The following SULT1E1 variants were observed in gnomAD, a reference collection of about 807,000 sequenced individuals.
The protein encoded by SULT1E1 is sulfotransferase family 1E member 1, also known as sulfotransferase 1E1.
In SULT1E1, 36 loss-of-function variants were observed where a neutral mutation model predicts 33.6. The ratio of observed to expected loss-of-function variants is 1.07; its 90% CI spans 0.82 to 1.41. The LOEUF (loss-of-function observed/expected upper bound fraction) is 1.41, where lower values mean the gene tolerates loss of function less well. Among genes scored for constraint, SULT1E1 ranks in the 40% most tolerant of loss-of-function variants. The pLI is 0.00. For synonymous variants in SULT1E1, 121 were observed against 111.7 expected, an observed-to-expected ratio of 1.08 and a Z score of -0.53; for missense variants, 371 against 345.7, an observed-to-expected ratio of 1.07 and a Z score of -0.58.
intron 5 of SULT1E1, among the ~76,000 whole-genome samples, chr4:69,848,175 T>C (rs1721020526): frequency 6.6e-6 from 1 of 151,310 alleles, no homozygotes; most frequent in Non-Finnish European, 1.5e-5. Flanking sequence ...GGTCTGATAG[T>C]CATAAGAATA....
At chr4:69,837,217 A>G (rs1235291186), downstream of SULT1E1, among the ~76,000 whole-genome samples, 3 of 152,164 alleles carry the variant, frequency 2.0e-5, no homozygotes, top group Admixed American at 6.5e-5. Context: ...ATTTGTGTAC[A>G]TTGTATAGAT....
the SULT1E1 span, among the ~76,000 whole-genome samples, chr4:69,834,775 T>A: frequency 6.6e-6 from 1 of 152,148 alleles, no homozygotes; most frequent in East Asian, 1.9e-4. Flanking sequence ...TCTAATCCAG[T>A]GGTAATATTA....
rs561354509 is a variant in SULT1E1, at chr4:69,841,814, C to T, written c.*180G>A. ...CATGATTGTGCCACTGTCCTCCAGC[C>T]TAGGCAACAGAGTGAGACTCTGTCT... is the stretch of plus-strand genomic sequence containing the variant. On this transcript the variant is annotated 3_prime_UTR_variant, in exon 8 of 8. Coordinates refer to ENST00000226444, the MANE Select transcript of SULT1E1 (RefSeq NM_005420.3). 50 of 429,528 alleles carry T rather than the reference C, an allele frequency of 1.2e-4. No individual in the cohort carries two copies. The highest frequency in any genetic ancestry group is 1.0e-3 in the African/African-American group (46 of 44,830). The allele number at this position is 429,528 out of a possible 1,614,324, so 26.6% of individuals were successfully genotyped here.
the SULT1E1 span, among the ~76,000 whole-genome samples, chr4:69,823,976 A>C: frequency 3.9e-5 from 6 of 152,058 alleles, no homozygotes; most frequent in Non-Finnish European, 5.9e-5. Context: ...CCACATCCAC[A>C]CGGCAATGAA....
intron 6 of SULT1E1, among the ~76,000 whole-genome samples, chr4:69,845,301 T>C (rs1031135266): frequency 2.6e-5 from 4 of 151,890 alleles, no homozygotes; most frequent in African/African-American, 9.7e-5. Context: ...TTGGAATGTT[T>C]GTAACATGAA....
downstream of SULT1E1, among the ~76,000 whole-genome samples, chr4:69,839,621 A>C (rs2110063499): frequency 6.6e-6 from 1 of 152,316 alleles, no homozygotes; most frequent in Admixed American, 6.5e-5. Context: ...GGAAATATTA[A>C]GCAATGAGGT....
chr4:69,823,261 T>C, the SULT1E1 span, among the ~76,000 whole-genome samples: 6 of 152,202 alleles, frequency 3.9e-5, no homozygotes, highest in South Asian at 2.1e-4. Context: ...AGGTTTAGTA[T>C]AGCCCTCACC....
At chr4:69,835,915 G>T in the SULT1E1 span, among the ~76,000 whole-genome samples, 2 of 152,096 alleles carry the variant, frequency 1.3e-5, no homozygotes, top group African/African-American at 4.8e-5. Context: ...GTGTGCTGAG[G>T]TTACAGACAT....
At chr4:69,826,523 G>A in the SULT1E1 span, among the ~76,000 whole-genome samples, 1 of 152,196 alleles carries the variant, frequency 6.6e-6, no homozygotes, top group South Asian at 2.1e-4. Context: ...TTCTTGGGCA[G>A]GGGAGAAACA....
intron 4 of SULT1E1, among the ~76,000 whole-genome samples, chr4:69,851,174 A>T (rs2110070441): frequency 6.6e-6 from 1 of 152,326 alleles, no homozygotes; most frequent in South Asian, 2.1e-4. Flanking sequence ...AACTACCATC[A>T]GAGTGAAAAG....
the SULT1E1 span, among the ~76,000 whole-genome samples, chr4:69,825,964 T>C: frequency 2.0e-5 from 3 of 152,170 alleles, no homozygotes; most frequent in Non-Finnish European, 4.4e-5. Flanking sequence ...TATTCCCTTC[T>C]TTAGGCACCC....
At chr4:69,851,167 T>C (rs927338504) in intron 4 of SULT1E1, among the ~76,000 whole-genome samples, 1 of 152,248 alleles carries the variant, frequency 6.6e-6, no homozygotes, top group Non-Finnish European at 1.5e-5. Context: ...CAAAAGAAAC[T>C]ACCATCAGAG....
intron 6 of SULT1E1, among the ~76,000 whole-genome samples, chr4:69,844,556 A>G (rs1170613403): frequency 6.6e-6 from 1 of 152,142 alleles, no homozygotes; most frequent in Non-Finnish European, 1.5e-5. Flanking sequence ...AAGATTATTC[A>G]AAAAACTAAA....
chr4:69,829,780 T>C, the SULT1E1 span, among the ~76,000 whole-genome samples: 1 of 152,152 alleles, frequency 6.6e-6, no homozygotes, highest in African/African-American at 2.4e-5. Context: ...CCTACAATGG[T>C]TGCACAGTTC....
chr4:69,847,659 A>G, intron 6 of SULT1E1, 39 bp downstream of exon 6: 5 of 1,317,720 alleles, frequency 3.8e-6, no homozygotes, highest in Non-Finnish European at 5.3e-6. Flanking sequence ...CTAACATCTT[A>G]GAAATTACCA....
chr4:69,859,199 T>A (rs1721314245), intron 1 of SULT1E1, among the ~76,000 whole-genome samples: 1 of 152,070 alleles, frequency 6.6e-6, no homozygotes, highest in African/African-American at 2.4e-5. Flanking sequence ...ACTTATAAAT[T>A]CAATTAAACT....
At chr4:69,854,552 T>C (rs1442211814) in intron 3 of SULT1E1, among the ~76,000 whole-genome samples, 2 of 152,014 alleles carry the variant, frequency 1.3e-5, no homozygotes, top group African/African-American at 4.8e-5. Context: ...TTACATCTAA[T>C]ATATATTCAC....
At chr4:69,857,467 T>A (rs1721265294) in intron 2 of SULT1E1, 33 bp downstream of exon 2, 2 of 1,577,242 alleles carry the variant, frequency 1.3e-6, no homozygotes, top group Non-Finnish European at 1.7e-6. Flanking sequence ...GTTTGTTATT[T>A]TTAGGTGAAA....
rs1182549641 is a variant in SULT1E1 at position 69,841,387 on chromosome 4, TTTC to T, written c.*604_*606del. The T allele has an allele frequency of 1.3e-5, 2 of 151,702 alleles. No individual in the cohort carries two copies. The highest frequency in any genetic ancestry group is 4.8e-5 in the African/African-American group (2 of 41,300). 9.4% of individuals were successfully genotyped at this position (151,702 alleles called of 1,614,324 possible). On this transcript the variant is annotated 3_prime_UTR_variant, in exon 8 of 8. Coordinates refer to ENST00000226444, the MANE Select transcript of SULT1E1 (RefSeq NM_005420.3). Reference sequence around the variant, plus strand: ...AAGAGATGATAGTAGGAAAAAAAAGTTTCTTATTTCTCATATGCATGTACAGCT... The same window carrying T: ...AAGAGATGATAGTAGGAAAAAAAAGTTTATTTCTCATATGCATGTACAGCT...
Sources: gnomAD v4.1 joint callset for allele counts (sites outside exome capture counted in the v4.1 genomes callset) on GRCh38, gnomAD v4.1.1 for gene constraint, MANE v1.5 for transcripts, NCBI Gene and HGNC (gene_info 2026-07-23, HGNC 2026-07-21) for gene names.